Variants in LAMP3 observed in about 807,000 individuals in gnomAD.
LAMP3 encodes the protein lysosome-associated membrane glycoprotein 3.
Under a neutral mutation model 34.8 loss-of-function variants are expected in LAMP3, and 26 were observed. The ratio of observed to expected loss-of-function variants is 0.75; its 90% CI spans 0.55 to 1.04. The LOEUF (loss-of-function observed/expected upper bound fraction) is 1.04, where lower values mean the gene tolerates loss of function less well. Ranked by LOEUF, LAMP3 falls within the 50% of genes least tolerant of loss-of-function variation. The probability of loss-of-function intolerance (pLI) is 0.00; values close to 1 mark genes in which losing one functional copy is unlikely to be tolerated. For synonymous variants in LAMP3, 180 were observed against 201.9 expected (o/e 0.89, Z 0.92); for missense variants, 495 against 524.0 (o/e 0.94, Z 0.54).
intron 3 of LAMP3, 107 bp from the exon 4 acceptor site, chr3:183,140,702 G>C: frequency 1.4e-6 from 1 of 740,480 alleles, no homozygotes; most frequent in Non-Finnish European, 2.4e-6. Flanking sequence ...TGGATATAAG[G>C]GCTGGGGAGT....
chr3:183,154,438 A>C, intron 1 of LAMP3, 47 bp from the exon 2 acceptor site: 5 of 1,422,488 alleles, frequency 3.5e-6, no homozygotes, highest in Non-Finnish European at 3.8e-6. Flanking sequence ...CCGATTGCTT[A>C]CAAGGTTCCC....
Position 183,131,945 on chromosome 3 carries a change from G to A in LAMP3, c.1117+3772C>T, listed in dbSNP as rs973897543. ...CAGGAATGTACTGCTTTTGGTGAAT[G>A]TTTGCGTAAAAGGGAAGTGAGTGAT... On this transcript the variant is annotated intron_variant, in intron 5 of 5. Transcript: ENST00000265598. 41 of 985,250 alleles carry A rather than the reference G, an allele frequency of 4.2e-5. No homozygotes were observed. In the African/African-American group the frequency reaches 6.6e-4, roughly 16 times the overall value. 61.0% of individuals were successfully genotyped at this position (985,250 alleles called of 1,614,324 possible). A position where few individuals can be genotyped will look rare whatever the true frequency, so the allele number is the denominator to read the frequency against.
rs79535308 is a variant in LAMP3, at chr3:183,131,800, G to T, written c.1117+3917C>A. 4,069 of 509,058 alleles carry T rather than the reference G, an allele frequency of 8.0e-3. 18 individuals carry two copies. Among genetic ancestry groups the T allele is most frequent in the Non-Finnish European group, 9.2e-3 (3,624 of 394,300 alleles). 31.5% of individuals were successfully genotyped at this position (509,058 alleles called of 1,614,324 possible). ...ACTTCCAGTCAGTAGAATCAATTAA[G>T]AACATACCTCTCCTTTTTCTCTGAA... On this transcript the variant is annotated intron_variant, in intron 5 of 5. Coordinates refer to ENST00000265598, the MANE Select transcript of LAMP3 (RefSeq NM_014398.4).
chr3:183,133,512 G>C (rs901518795), intron 5 of LAMP3, among the ~76,000 whole-genome samples: 2 of 152,118 alleles, frequency 1.3e-5, no homozygotes, highest in Non-Finnish European at 2.9e-5. Context: ...GTACCACCAT[G>C]CCGGGCTAGT....
chr3:183,148,210 G>A (rs866866742), intron 3 of LAMP3, among the ~76,000 whole-genome samples: 1 of 152,164 alleles, frequency 6.6e-6, no homozygotes, highest in Non-Finnish European at 1.5e-5. Flanking sequence ...ATCAAACTTT[G>A]AAACCACTAA....
At chr3:183,142,227 C>T (rs540921359) in intron 3 of LAMP3, among the ~76,000 whole-genome samples, 11 of 152,228 alleles carry the variant, frequency 7.2e-5, no homozygotes, top group South Asian at 4.2e-4. Flanking sequence ...ACAAGGCCCC[C>T]GCCCCATCCC....
At chr3:183,137,230 A>T (rs1218233711) in intron 4 of LAMP3, among the ~76,000 whole-genome samples, 2 of 151,414 alleles carry the variant, frequency 1.3e-5, no homozygotes, top group East Asian at 3.9e-4. Flanking sequence ...GAGGCAGGAG[A>T]ATCTCTTGAA....
At position 183,162,515 on chromosome 3, in the gene LAMP3, C is replaced by G. The variant is rs1203697489; in HGVS notation, c.49+92G>C. On this transcript the variant is annotated intron_variant, in intron 1 of 5. Transcript: ENST00000265598. The stretch of plus-strand genomic sequence containing the variant: ...CGCGCCACACCTCCCTACCCGCAGC[C>G]CGTCCTGTGGCGCCCGGGACTCCAG... 4 of 1,306,174 alleles carry G rather than the reference C, an allele frequency of 3.1e-6. No individual in the cohort carries two copies. The Admixed American group carries it at 8.0e-5, about 26-fold the overall frequency. The allele number at this position is 1,306,174 out of a possible 1,614,324, so 80.9% of individuals were successfully genotyped here. A position where few individuals can be genotyped will look rare whatever the true frequency, so the allele number is the denominator to read the frequency against.
chr3:183,127,428 A>G (rs1223216746), intron 5 of LAMP3, among the ~76,000 whole-genome samples: 1 of 151,384 alleles, frequency 6.6e-6, no homozygotes, highest in Non-Finnish European at 1.5e-5. Flanking sequence ...TGCCCAGACA[A>G]CTCCAAATTT....
chr3:183,144,219 T>G (rs1242729414), intron 3 of LAMP3, among the ~76,000 whole-genome samples: 1 of 152,230 alleles, frequency 6.6e-6, no homozygotes, highest in Non-Finnish European at 1.5e-5. Flanking sequence ...CAGAGTTCTC[T>G]GCAAAATTTA....
intron 3 of LAMP3, 142 bp downstream of exon 3, chr3:183,152,233 T>C: frequency 1.1e-6 from 1 of 911,196 alleles, no homozygotes; most frequent in Non-Finnish European, 1.6e-6. Flanking sequence ...ATGTTGACAC[T>C]TCCTCCTCTC....
At chr3:183,140,937 G>A (rs570791179) in intron 3 of LAMP3, among the ~76,000 whole-genome samples, 1 of 152,282 alleles carries the variant, frequency 6.6e-6, no homozygotes, top group African/African-American at 2.4e-5. Flanking sequence ...GGAGGAGCAG[G>A]AGCATATATT....
At chr3:183,135,190 G>T (rs913526069) in intron 5 of LAMP3, among the ~76,000 whole-genome samples, 2 of 152,220 alleles carry the variant, frequency 1.3e-5, no homozygotes, top group Admixed American at 6.5e-5. Context: ...AGGAAACACT[G>T]TTGGGTGTGA....
intron 1 of LAMP3, among the ~76,000 whole-genome samples, chr3:183,158,846 A>G (rs1720895053): frequency 6.6e-6 from 1 of 150,752 alleles, no homozygotes; most frequent in African/African-American, 2.4e-5. Context: ...AGGCAGACAC[A>G]TGAGTAAACC....
At chr3:183,133,091 G>A in intron 5 of LAMP3, 1 of 217,734 alleles carries the variant, frequency 4.6e-6, no homozygotes, top group Non-Finnish European at 7.8e-6. Flanking sequence ...AGACAACAGT[G>A]GGTGAAAACG....
At chr3:183,127,188 G>A (rs1020941601) in intron 5 of LAMP3, among the ~76,000 whole-genome samples, 5 of 152,060 alleles carry the variant, frequency 3.3e-5, no homozygotes, top group African/African-American at 4.8e-5. Context: ...AGGCTGGGGG[G>A]CAGTGGTGCG....
At chr3:183,136,747 C>T (rs955023576) in intron 4 of LAMP3, among the ~76,000 whole-genome samples, 2 of 151,548 alleles carry the variant, frequency 1.3e-5, no homozygotes, top group African/African-American at 2.4e-5. Flanking sequence ...CCCTTCTGAT[C>T]GCCACCTGGG....
At position 183,126,473 on chromosome 3, in the gene LAMP3, C is replaced by A. The variant is rs945072793; in HGVS notation, c.1118-2259G>T. ...GAAAAGAAGTGACTGATCCAATCACCCCATTTCTTCTATTTGAATCAATCA... is the reference window on the plus strand; with the variant it reads ...GAAAAGAAGTGACTGATCCAATCACACCATTTCTTCTATTTGAATCAATCA... On this transcript the variant is annotated intron_variant, in intron 5 of 5. Transcript: ENST00000265598. Among the ~76,000 whole-genome samples the A allele has an allele frequency of 2.6e-5, 4 of 151,878 alleles. No homozygotes were observed. In the South Asian group the frequency reaches 8.4e-4, roughly 32 times the overall value.
intron 4 of LAMP3, among the ~76,000 whole-genome samples, chr3:183,139,514 C>T (rs1215790947): frequency 6.6e-6 from 1 of 152,094 alleles, no homozygotes; most frequent in African/African-American, 2.4e-5. Flanking sequence ...TAGTACTGAA[C>T]TCTAGATATA....
Sources: gnomAD v4.1 joint callset for allele counts (sites outside exome capture counted in the v4.1 genomes callset) on GRCh38, gnomAD v4.1.1 for gene constraint, MANE v1.5 for transcripts, NCBI Gene and HGNC (gene_info 2026-07-23, HGNC 2026-07-21) for gene names.